Variants in PHYHIPL observed in about 807,000 individuals in gnomAD.
PHYHIPL encodes phytanoyl-CoA 2-hydroxylase interacting protein like.
In PHYHIPL, 9 loss-of-function variants were observed where a neutral mutation model predicts 33.4. The observed-to-expected ratio is 0.27, with a 90% CI of 0.16 to 0.47. The LOEUF is 0.47. PHYHIPL is among the 20% of genes least tolerant of loss of function. The pLI, the probability that PHYHIPL is intolerant of heterozygous loss-of-function variation, is 0.99. For synonymous variants in PHYHIPL, 153 were observed against 154.1 expected (o/e 0.99, Z 0.05); for missense variants, 365 against 460.7 (o/e 0.79, Z 1.90).
chr10:59,217,018 A>G (rs907111632), intron 1 of PHYHIPL, among the ~76,000 whole-genome samples: 1 of 152,066 alleles, frequency 6.6e-6, no homozygotes, highest in East Asian at 1.9e-4. Context: ...TTACTTTACT[A>G]TTCTTGGAGT....
rs187909173 is a variant in PHYHIPL at position 59,226,723 on chromosome 10, G to C, written c.107-7581G>C. On this transcript the variant is annotated intron_variant, in intron 1 of 4. Coordinates refer to ENST00000373880, the MANE Select transcript of PHYHIPL (RefSeq NM_032439.4). Reference sequence around the variant, plus strand: ...AGAAATTAAAAGTAAAAGTATTTCAGTTTCTTCATTTTACATATGGAAGGT... The same window carrying C: ...AGAAATTAAAAGTAAAAGTATTTCACTTTCTTCATTTTACATATGGAAGGT... 2.0e-5 allele frequency among the ~76,000 whole-genome samples: 3 copies of C among 152,174 alleles called. No individual in the cohort carries two copies. The East Asian group carries it at 5.8e-4, about 29-fold the overall frequency.
At chr10:59,197,286 A>G (rs906243601) in intron 1 of PHYHIPL, among the ~76,000 whole-genome samples, 7 of 152,306 alleles carry the variant, frequency 4.6e-5, no homozygotes, top group East Asian at 1.9e-4. Context: ...GCCATCACCA[A>G]TCTTCTGTTC....
rs762698865 is a variant in PHYHIPL, at chr10:59,238,655, G to A, written c.546G>A (p.Lys182=). ...KAEVIAGRML[K]FSVFYRNQHK... Reference sequence around the variant, plus strand: ...AAGTGATTGCAGGACGCATGCTTAAGTTTTCTGTTTTTTATCGTAATCAGC... The same window carrying A: ...AAGTGATTGCAGGACGCATGCTTAAATTTTCTGTTTTTTATCGTAATCAGC... Residue 182 remains lysine (K), a synonymous_variant, in exon 4 of 5, where the codon AAG becomes AAA. Transcript: ENST00000373880. 3.1e-6 allele frequency: 5 copies of A among 1,609,132 alleles called. No homozygotes were observed. Among genetic ancestry groups the A allele is most frequent in the Non-Finnish European group, 3.4e-6 (4 of 1,176,132 alleles).
chr10:59,193,868 A>G lies in PHYHIPL; in HGVS notation c.106+16909A>G, dbSNP rs539868424. 7.2e-5 allele frequency among the ~76,000 whole-genome samples: 11 copies of G among 152,218 alleles called. No homozygotes were observed. In the East Asian group the frequency reaches 2.1e-3, roughly 29 times the overall value. On this transcript the variant is annotated intron_variant, in intron 1 of 4. Transcript: ENST00000373880. ...TTGGTGATTAAAAAAGGAAGCCCTAATGACTAAAAAAGCAGTGGTTCTGGA... is the reference window on the plus strand; with the variant it reads ...TTGGTGATTAAAAAAGGAAGCCCTAGTGACTAAAAAAGCAGTGGTTCTGGA...
intron 1 of PHYHIPL, among the ~76,000 whole-genome samples, chr10:59,225,350 C>T (rs757546800): frequency 1.1e-4 from 16 of 151,374 alleles, no homozygotes; most frequent in Non-Finnish European, 1.5e-4. Context: ...TGCTGTCACC[C>T]TGTGATTGGA....
intron 4 of PHYHIPL, among the ~76,000 whole-genome samples, chr10:59,244,608 T>G (rs1358726197): frequency 7.2e-5 from 9 of 125,470 alleles, no homozygotes; most frequent in Non-Finnish European, 7.2e-5. Flanking sequence ...ACACAACGCT[T>G]TTGTGCCAGT....
chr10:59,221,944 G>C (rs1839789349), intron 1 of PHYHIPL, among the ~76,000 whole-genome samples: 1 of 152,006 alleles, frequency 6.6e-6, no homozygotes, highest in Non-Finnish European at 1.5e-5. Context: ...CTAATATTAT[G>C]ACAGTTAAAT....
At chr10:59,191,428 G>A (rs1277433800) in intron 1 of PHYHIPL, among the ~76,000 whole-genome samples, 1 of 151,848 alleles carries the variant, frequency 6.6e-6, no homozygotes, top group African/African-American at 2.4e-5. Context: ...TTGTTCATAG[G>A]TGATAACTTT....
Position 59,247,206 on chromosome 10 carries a change from TTCC to T in PHYHIPL, c.*1620_*1622del. On this transcript the variant is annotated 3_prime_UTR_variant, in exon 5 of 5. Transcript: ENST00000373880. ...TTCCTACTTGAAAAGCGAATTTCTT[TTCC>T]TCCTATGATTGATTTTTTAAAATCA... 1 of 163,642 alleles carries T rather than the reference TTCC, an allele frequency of 6.1e-6. No individual in the cohort carries two copies. Among genetic ancestry groups the T allele is most frequent in the East Asian group, 1.8e-4 (1 of 5,416 alleles). 10.1% of individuals were successfully genotyped at this position (163,642 alleles called of 1,614,324 possible). A position where few individuals can be genotyped will look rare whatever the true frequency, so the allele number is the denominator to read the frequency against.
At chr10:59,181,509 TGCTATTTTTCATGTG>T (rs1476056813) in intron 1 of PHYHIPL, among the ~76,000 whole-genome samples, 1 of 152,208 alleles carries the variant, frequency 6.6e-6, no homozygotes, top group Non-Finnish European at 1.5e-5. Context: ...ATCTGTCATT[TGCTATTTTTCATGTG>T]GCTTGTAACC....
intron 1 of PHYHIPL, among the ~76,000 whole-genome samples, chr10:59,199,429 T>C (rs1250688622): frequency 7.2e-5 from 11 of 152,210 alleles, no homozygotes; most frequent in Non-Finnish European, 1.5e-4. Context: ...TCTGTTTTGG[T>C]GCCAGTACCT....
intron 1 of PHYHIPL, among the ~76,000 whole-genome samples, chr10:59,205,587 C>T (rs1179191740): frequency 6.6e-6 from 1 of 152,088 alleles, no homozygotes; most frequent in African/African-American, 2.4e-5. Context: ...ATGCTAGTTA[C>T]CAATATGCTA....
chr10:59,224,556 T>C (rs1839875219), intron 1 of PHYHIPL, among the ~76,000 whole-genome samples: 1 of 150,884 alleles, frequency 6.6e-6, no homozygotes, highest in African/African-American at 2.4e-5. Flanking sequence ...ATCAAAAGGG[T>C]TTAAAATATC....
chr10:59,224,456 GAAACAAAACA>G (rs57121387), intron 1 of PHYHIPL, among the ~76,000 whole-genome samples: 35 of 139,898 alleles, frequency 2.5e-4, no homozygotes, highest in African/African-American at 7.5e-4. Flanking sequence ...CTGTCTCAAG[GAAACAAAACA>G]AAACAAAACA....
chr10:59,188,123 A>G (rs974968182), intron 1 of PHYHIPL, among the ~76,000 whole-genome samples: 2 of 152,112 alleles, frequency 1.3e-5, no homozygotes, highest in South Asian at 2.1e-4. Flanking sequence ...ATTTCCCTCT[A>G]CACAATGCTT....
intron 1 of PHYHIPL, among the ~76,000 whole-genome samples, chr10:59,189,786 G>T (rs1359024428): frequency 6.6e-6 from 1 of 151,846 alleles, no homozygotes; most frequent in African/African-American, 2.4e-5. Context: ...TTTATTGAGG[G>T]TTAAAAGTAA....
upstream of PHYHIPL, among the ~76,000 whole-genome samples, chr10:59,176,138 G>C (rs1228333167): frequency 6.6e-6 from 1 of 152,242 alleles, no homozygotes; most frequent in East Asian, 1.9e-4. Context: ...CGAGCCCGCA[G>C]GGTGCGGGCA....
chr10:59,211,664 T>TCTAA (rs1405888583), intron 1 of PHYHIPL, among the ~76,000 whole-genome samples: 2 of 74,100 alleles, frequency 2.7e-5, no homozygotes, highest in Non-Finnish European at 5.2e-5. Flanking sequence ...GCGGACTCTC[T>TCTAA]AAAAAAAAAA....
At chr10:59,240,605 T>A (rs1160810528) in intron 4 of PHYHIPL, among the ~76,000 whole-genome samples, 1 of 151,974 alleles carries the variant, frequency 6.6e-6, no homozygotes, top group African/African-American at 2.4e-5. Flanking sequence ...AGCCAAACCA[T>A]CATAAGTCAG....
Sources: allele counts gnomAD v4.1 joint callset (sites outside exome capture counted in the v4.1 genomes callset), GRCh38; gene constraint gnomAD v4.1.1; transcripts MANE v1.5; gene names NCBI Gene and HGNC (gene_info 2026-07-23, HGNC 2026-07-21).